LARS1: variants seen among roughly 807,000 people sequenced by gnomAD.
LARS1 encodes the protein leucine--tRNA ligase, cytoplasmic.
In LARS1, 100 loss-of-function variants were observed where a neutral mutation model predicts 162.8. The ratio of observed to expected loss-of-function variants is 0.61; its 90% confidence interval spans 0.52 to 0.73. The LOEUF (loss-of-function observed/expected upper bound fraction) is 0.73, where lower values mean the gene tolerates loss of function less well. Among genes scored for constraint, LARS1 ranks in the 30% least tolerant of loss-of-function variants. LARS1 has a pLI of 0.00. For synonymous variants in LARS1, 457 were observed against 462.8 expected (o/e 0.99, Z 0.16); for missense variants, 1,258 against 1,408.9 (o/e 0.89, Z 1.71).
chr5:146,181,968 T>C (rs1050000911), intron 1 of LARS1, among the ~76,000 whole-genome samples: 1 of 147,380 alleles, frequency 6.8e-6, no homozygotes, highest in Non-Finnish European at 1.5e-5. Flanking sequence ...TAAGACGGAG[T>C]CTCACTCTGT....
chr5:146,124,741 AG>A (rs1431323554), intron 28 of LARS1, among the ~76,000 whole-genome samples: 1 of 151,952 alleles, frequency 6.6e-6, no homozygotes, highest in Non-Finnish European at 1.5e-5. Flanking sequence ...ACTTAATGAA[AG>A]TGACCTGATA....
At chr5:146,181,857 T>C (rs1441683606) in intron 1 of LARS1, among the ~76,000 whole-genome samples, 1 of 103,594 alleles carries the variant, frequency 9.7e-6, no homozygotes, top group Non-Finnish European at 1.8e-5. Flanking sequence ...TCTTTTTTTT[T>C]TTTTTTTTTT....
rs745767946 is a variant in LARS1, at chr5:146,172,820, T to C, written c.126-46A>G. 5 of 1,049,926 alleles carry C rather than the reference T, an allele frequency of 4.8e-6. No individual in the cohort carries two copies. The Admixed American group carries it at 1.3e-4, about 26-fold the overall frequency. 65.0% of individuals were successfully genotyped at this position (1,049,926 alleles called of 1,614,324 possible). Reference sequence around the variant, plus strand: ...AAAGAAAGTACAGAAGAATAAATGTTAAGTTCCTTTTACAATAAGGAAGTG... The same window carrying C: ...AAAGAAAGTACAGAAGAATAAATGTCAAGTTCCTTTTACAATAAGGAAGTG... On this transcript the variant is annotated intron_variant, in intron 2 of 31. Coordinates refer to ENST00000394434, the MANE Select transcript of LARS1 (RefSeq NM_020117.11).
intron 10 of LARS1, among the ~76,000 whole-genome samples, chr5:146,155,519 T>G (rs754263217): frequency 6.6e-6 from 1 of 152,210 alleles, no homozygotes; most frequent in Admixed American, 6.5e-5. Flanking sequence ...ATCCAAAAGA[T>G]TAAGCAATTT....
chr5:146,124,008 T>C lies in LARS1; in HGVS notation c.3070A>G (p.Ile1024Val), dbSNP rs769458473. Residue 1024 changes from isoleucine (I) to valine (V), a missense_variant, in exon 29 of 32, where the codon ATA becomes GTA. By Grantham distance (29) the Ile-to-Val change is conservative. Transcript: ENST00000394434. ...TCAAGCGAATTAGTCAGATAGACTATATTCTCCATAAGCACAGCCTTTTCA... is the reference window on the plus strand; with the variant it reads ...TCAAGCGAATTAGTCAGATAGACTACATTCTCCATAAGCACAGCCTTTTCA... ...FDEKAVLMEN[I>V]VYLTNSLELE... 5 of 1,607,768 alleles carry C rather than the reference T, an allele frequency of 3.1e-6. No homozygotes were observed. The highest frequency in any genetic ancestry group is 4.3e-6 in the Non-Finnish European group (5 of 1,175,230).
Position 146,168,127 on chromosome 5 carries a change from C to T in LARS1, c.432+1G>A. On this transcript the variant is annotated splice_donor_variant, in intron 5 of 31. Coordinates refer to ENST00000394434, the MANE Select transcript of LARS1 (RefSeq NM_020117.11). LOFTEE classifies it high-confidence loss of function. ...AACATAAATATCAACCACTATCAAA[C>T]CTTTTTTCCTTTAGCTTTATCCTTA... 2 of 1,596,430 alleles carry T rather than the reference C, an allele frequency of 1.3e-6. No individual in the cohort carries two copies. The highest frequency in any genetic ancestry group is 1.7e-6 in the Non-Finnish European group (2 of 1,169,474).
intron 15 of LARS1, among the ~76,000 whole-genome samples, chr5:146,146,875 G>A (rs970690866): frequency 2.0e-5 from 3 of 151,656 alleles, no homozygotes; most frequent in Non-Finnish European, 4.4e-5. Context: ...TACCATGCCC[G>A]GCTAATTTTT....
chr5:146,164,152 C>T (rs1334097154), intron 6 of LARS1, among the ~76,000 whole-genome samples, 158 bp downstream of exon 6: 1 of 152,102 alleles, frequency 6.6e-6, no homozygotes, highest in Non-Finnish European at 1.5e-5. Flanking sequence ...TAAGCAAATG[C>T]TGTTGGAAAA....
At position 146,144,544 on chromosome 5, in the gene LARS1, G is replaced by C; in HGVS notation, c.1590-7C>G. 6.2e-7 allele frequency: 1 copy of C among 1,613,724 alleles called. No homozygotes were observed. The highest frequency in any genetic ancestry group is 8.5e-7 in the Non-Finnish European group (1 of 1,179,850). ...TTCTCCATAATCCAAGTACCTGGGA[G>C]TGGACAAATTGATATGTTTTTTTTT... On this transcript the variant is annotated splice_polypyrimidine_tract_variant and splice_region_variant and intron_variant, in intron 16 of 31. Transcript: ENST00000394434.
chr5:146,122,633 G>T, intron 29 of LARS1, 46 bp from the exon 30 acceptor site: 1 of 1,034,368 alleles, frequency 9.7e-7, no homozygotes, highest in South Asian at 1.5e-5. Context: ...CACTTAATGT[G>T]ATTCAAATTA....
intron 4 of LARS1, among the ~76,000 whole-genome samples, chr5:146,170,153 A>G (rs951771549): frequency 2.6e-5 from 4 of 152,284 alleles, no homozygotes; most frequent in Admixed American, 2.6e-4. Context: ...ATTACATGCA[A>G]TGTGTGCTCC....
chr5:146,172,798 G>T (rs1359390594), intron 2 of LARS1, 24 bp from the exon 3 acceptor site: 13 of 1,309,786 alleles, frequency 9.9e-6, no homozygotes, highest in Non-Finnish European at 1.4e-5. Context: ...GTATAAAAAA[G>T]AAAGTACAGA....
chr5:146,170,244 A>C (rs1754200898), intron 4 of LARS1, among the ~76,000 whole-genome samples: 1 of 152,184 alleles, frequency 6.6e-6, no homozygotes. Context: ...AGGCAGGCGG[A>C]TCACCTAAGG....
Position 146,140,207 on chromosome 5 carries a change from C to G in LARS1, c.2145G>C (p.Glu715Asp). The G allele has an allele frequency of 6.2e-7, 1 of 1,611,044 alleles. No homozygotes were observed. Among genetic ancestry groups the G allele is most frequent in the Non-Finnish European group, 8.5e-7 (1 of 1,177,140 alleles). Residue 715 changes from glutamate (E) to aspartate (D), a missense_variant, in exon 21 of 32, where the codon GAG (glutamate) becomes GAC (aspartate). Coordinates refer to ENST00000394434, the MANE Select transcript of LARS1 (RefSeq NM_020117.11). ...TTTAAGATGCAATAAGCCTTACCTT[C>G]TCAGAGTTCAGGAGGAGATGTCCAT... ...RANGHLLLNS[E>D]KMSKSTGNFL...
chr5:146,140,106 C>T lies in LARS1; in HGVS notation c.2148+98G>A, dbSNP rs562191068. 6.1e-4 allele frequency: 564 copies of T among 918,440 alleles called. 5 individuals are homozygous for T. In the African/African-American group the frequency reaches 8.6e-3, roughly 14 times the overall value. The allele number at this position is 918,440 out of a possible 1,614,324, so 56.9% of individuals were successfully genotyped here. On this transcript the variant is annotated intron_variant, in intron 21 of 31. Coordinates refer to ENST00000394434, the MANE Select transcript of LARS1 (RefSeq NM_020117.11). ...ACAGGCATGAGGCACCACACCTGGA[C>T]ACATTATTTCTTACATACATTTAAA...
Position 146,182,319 on chromosome 5 carries a change from TCG to T in LARS1, c.6+167_6+168del, listed in dbSNP as rs1478724931. ...CTCCGTAAAGTTAACAGACATCAGT[TCG>T]TGGTTCATAAACTAGCAAGAAAAAG... On this transcript the variant is annotated intron_variant, in intron 1 of 31. Coordinates refer to ENST00000394434, the MANE Select transcript of LARS1 (RefSeq NM_020117.11). The T allele has an allele frequency of 2.1e-5, 16 of 768,816 alleles. No individual in the cohort carries two copies. In the East Asian group the frequency reaches 3.9e-4, roughly 19 times the overall value. 47.6% of individuals were successfully genotyped at this position (768,816 alleles called of 1,614,324 possible). A position where few individuals can be genotyped will look rare whatever the true frequency, so the allele number is the denominator to read the frequency against.
chr5:146,117,937 A>C (rs893261590), intron 31 of LARS1, among the ~76,000 whole-genome samples: 1 of 152,254 alleles, frequency 6.6e-6, no homozygotes, highest in Non-Finnish European at 1.5e-5. Context: ...AGCCACTATA[A>C]AAAACAGTAT....
intron 30 of LARS1, among the ~76,000 whole-genome samples, chr5:146,121,214 A>C (rs1751805202): frequency 6.6e-6 from 1 of 152,168 alleles, no homozygotes; most frequent in Non-Finnish European, 1.5e-5. Context: ...GGAGGTATCC[A>C]TAATCACGAT....
At chr5:146,132,364 A>C (rs1364461579) in intron 23 of LARS1, 2 of 152,190 alleles carry the variant, frequency 1.3e-5, no homozygotes, top group Non-Finnish European at 2.9e-5. Context: ...CCTTGTCTCT[A>C]TTATTGTGCT....
Sources: gnomAD v4.1 joint callset for allele counts (sites outside exome capture counted in the v4.1 genomes callset) on GRCh38, gnomAD v4.1.1 for gene constraint, MANE v1.5 for transcripts, NCBI Gene and HGNC (gene_info 2026-07-23, HGNC 2026-07-21) for gene names.